INTS1: variants seen among roughly 807,000 people sequenced by gnomAD.
INTS1 encodes integrator complex subunit 1.
Under a neutral mutation model 241.6 loss-of-function variants are expected in INTS1, and 137 were observed. The ratio of observed to expected loss-of-function variants is 0.57; its 90% CI spans 0.49 to 0.65. The LOEUF (loss-of-function observed/expected upper bound fraction) is 0.65. Among genes scored for constraint, INTS1 ranks in the 30% least tolerant of loss-of-function variants. The pLI is 0.00. For missense variants in INTS1, 3,073 were observed against 3,032.2 expected (o/e 1.01, Z -0.32); for synonymous variants, 1,692 against 1,337.8 (o/e 1.26, Z -5.78).
In INTS1 at chr7:1,477,888, A is replaced by G; in HGVS notation, c.4679T>C (p.Leu1560Pro). 1.9e-6 allele frequency: 3 copies of G among 1,612,642 alleles called. No homozygotes were observed. The highest frequency in any genetic ancestry group is 1.7e-6 in the Non-Finnish European group (2 of 1,179,844). Reference sequence around the variant, plus strand: ...CGCAGTGGCAGAGAAGAATGCAGTCAGCAGCTCCTCCAGGTGGGGGGACCT... The same window carrying G: ...CGCAGTGGCAGAGAAGAATGCAGTCGGCAGCTCCTCCAGGTGGGGGGACCT... Reference protein sequence around the residue: ...EVRSPHLEELLTAFFSATADA... With the variant: ...EVRSPHLEELPTAFFSATADA... Residue 1560 changes from leucine (L) to proline (P), a missense_variant, in exon 34 of 48, where the codon CTG becomes CCG. By Grantham distance (98) the Leu-to-Pro change is moderately conservative. Coordinates refer to ENST00000404767, the MANE Select transcript of INTS1 (RefSeq NM_001080453.3).
At chr7:1,494,680 G>C in intron 14 of INTS1, 136 bp downstream of exon 14, 1 of 817,864 alleles carries the variant, frequency 1.2e-6, no homozygotes, top group Non-Finnish European at 2.0e-6. Flanking sequence ...CAGGATTGTG[G>C]AGGAGGAGCA....
chr7:1,488,697 GCCC>G (rs1163500076), intron 18 of INTS1, among the ~76,000 whole-genome samples: 3 of 152,136 alleles, frequency 2.0e-5, no homozygotes, highest in Admixed American at 2.0e-4. Flanking sequence ...AGCCTCGGGC[GCCC>G]CTTCACCTTG....
In INTS1 at chr7:1,470,678, G is replaced by C; in HGVS notation, c.6472C>G (p.Leu2158Val). ...ALLCQEHAAV[L>V]LHRAFLVGMY... The stretch of plus-strand genomic sequence containing the variant: ...CCCACCAGGAAGGCCCGGTGGAGCA[G>C]CACAGCCGCGTGCTCTGTGGGGGAA... The change falls in exon 48 of 48, where the codon CTG (leucine) becomes GTG (valine). Residue 2158 changes from leucine (L) to valine (V), a missense_variant. Physicochemically the swap from Leu to Val is conservative, Grantham distance 32. Transcript: ENST00000404767. The C allele has an allele frequency of 6.4e-7, 1 of 1,563,300 alleles. No homozygotes were observed. Among genetic ancestry groups the C allele is most frequent in the Non-Finnish European group, 8.7e-7 (1 of 1,154,928 alleles).
Position 1,476,006 on chromosome 7 carries a change from A to C in INTS1, c.5444T>G (p.Val1815Gly). The C allele has an allele frequency of 6.5e-7, 1 of 1,545,612 alleles. No individual in the cohort carries two copies. The highest frequency in any genetic ancestry group is 8.7e-7 in the Non-Finnish European group (1 of 1,146,712). The part of the protein sequence containing the change: ...QLYLQRPELR[V>G]PVPEVLLHSE... ...GTGCAGTAGGACCTCAGGCACGGGC[A>C]CCCGCAGCTCCGGCCGCTGTAGGTA... Residue 1815 changes from valine to glycine, a missense_variant, in exon 39 of 48, where the codon GTG becomes GGG. Coordinates refer to ENST00000404767, the MANE Select transcript of INTS1 (RefSeq NM_001080453.3).
intron 35 of INTS1, 68 bp downstream of exon 35, chr7:1,477,482 T>C (rs1470881586): frequency 1.0e-5 from 15 of 1,445,316 alleles, no homozygotes; most frequent in African/African-American, 5.7e-5. Context: ...CCAAGGCTGC[T>C]GCACTTCAGG....
Position 1,470,430 on chromosome 7 carries a change from T to C in INTS1, c.*147A>G, listed in dbSNP as rs563479351. ...CCCGGAGCCACCCCAGGGCTCGGAG[T>C]ATTGCTCCTGGGCCTGCCTGGCCTC... On this transcript the variant is annotated 3_prime_UTR_variant, in exon 48 of 48. Coordinates refer to ENST00000404767, the MANE Select transcript of INTS1 (RefSeq NM_001080453.3). 1.5e-4 allele frequency: 84 copies of C among 579,002 alleles called. No individual in the cohort carries two copies. The East Asian group carries it at 2.7e-3, about 18-fold the overall frequency. 35.9% of individuals were successfully genotyped at this position (579,002 alleles called of 1,614,324 possible).
intron 44 of INTS1, 76 bp from the exon 45 acceptor site, chr7:1,471,717 AG>A (rs1300873669): frequency 7.1e-7 from 1 of 1,412,356 alleles, no homozygotes; most frequent in Non-Finnish European, 1.0e-6. Context: ...AGCCACCCAG[AG>A]GGGGCAAGGC....
At position 1,499,070 on chromosome 7, in the gene INTS1, T is replaced by C; in HGVS notation, c.1042A>G (p.Arg348Gly). The change falls in exon 8 of 48, where the codon AGG (arginine) becomes GGG (glycine). Residue 348 changes from arginine (R) to glycine (G), a missense_variant. Arg to Gly is a moderately radical substitution (Grantham distance 125). Coordinates refer to ENST00000404767, the MANE Select transcript of INTS1 (RefSeq NM_001080453.3). ...NRRQPIDNVS[R>G]NLLRLLTSTC... ...GAGGTGAGGAGCCGCAGGAGGTTCC[T>C]GGAGACGTTGTCGATGGGCTGGCGC... 1 of 1,606,936 alleles carries C rather than the reference T, an allele frequency of 6.2e-7. No homozygotes were observed. Among genetic ancestry groups the C allele is most frequent in the Non-Finnish European group, 8.5e-7 (1 of 1,177,906 alleles).
At chr7:1,477,986 G>C (rs538932828) in intron 33 of INTS1, 50 bp from the exon 34 acceptor site, 1 of 1,519,832 alleles carries the variant, frequency 6.6e-7, no homozygotes, top group Admixed American at 1.7e-5. Context: ...TCGGGTGGGG[G>C]CCGCTGAGTG....
chr7:1,503,836 G>GACATCCCCAA (rs1783323591), intron 2 of INTS1, 67 bp downstream of exon 2: 2 of 810,350 alleles, frequency 2.5e-6, no homozygotes, highest in Admixed American at 5.9e-5. Context: ...CGCGGCAGCT[G>GACATCCCCAA]AGATCCCCAA....
intron 25 of INTS1, 35 bp from the exon 26 acceptor site, chr7:1,483,888 T>G: frequency 6.3e-7 from 1 of 1,596,274 alleles, no homozygotes; most frequent in South Asian, 1.1e-5. Context: ...GCCGTAAGGT[T>G]CAGGGACCCT....
chr7:1,493,869 G>A lies in INTS1; in HGVS notation c.1953C>T (p.Asp651=). ...RLCSEVPILE[D]TLMRILVIGL... is the part of the protein sequence containing the mutation. ...CGATGACCAGGATGCGCATCAGCGTGTCCTCCAAAATGGGCACCTCGGAGC... is the reference window on the plus strand; with the variant it reads ...CGATGACCAGGATGCGCATCAGCGTATCCTCCAAAATGGGCACCTCGGAGC... The change falls in exon 15 of 48, where the codon GAC becomes GAT. Residue 651 remains aspartate (D), a synonymous_variant. Coordinates refer to ENST00000404767, the MANE Select transcript of INTS1 (RefSeq NM_001080453.3). This position sits in a 1 kb window ranked among gnomAD's most constrained non-coding sequence, Gnocchi z 5.3. 1 of 1,566,782 alleles carries A rather than the reference G, an allele frequency of 6.4e-7. No individual in the cohort carries two copies.
intron 43 of INTS1, 62 bp from the exon 44 acceptor site, chr7:1,472,448 C>A: frequency 8.4e-7 from 1 of 1,183,448 alleles, no homozygotes; most frequent in Non-Finnish European, 1.2e-6. Flanking sequence ...CACTGAGGCA[C>A]CAGGACCTGC....
In INTS1 at chr7:1,470,586, G is replaced by T. The variant is rs373812788; in HGVS notation, c.6564C>A (p.Ala2188=). Residue 2188 remains alanine (A), a synonymous_variant, in exon 48 of 48, where the codon GCC becomes GCA. Coordinates refer to ENST00000404767, the MANE Select transcript of INTS1 (RefSeq NM_001080453.3). ...GTCGGCTGCCACAGGCTCACATCAC[G>T]GCCTCCATATGCAGGATCCTCAGGG... is the stretch of plus-strand genomic sequence containing the variant. ...SEALRILHME[A]VM 1.9e-6 allele frequency: 3 copies of T among 1,563,998 alleles called. No individual in the cohort carries two copies. The highest frequency in any genetic ancestry group is 2.6e-6 in the Non-Finnish European group (3 of 1,155,370).
Position 1,480,936 on chromosome 7 carries a change from G to A in INTS1, c.3851-3C>T, listed in dbSNP as rs868393303. The A allele has an allele frequency of 1.3e-6, 2 of 1,575,714 alleles. No homozygotes were observed. The highest frequency in any genetic ancestry group is 1.3e-5 in the African/African-American group (1 of 74,250). On this transcript the variant is annotated splice_region_variant and splice_polypyrimidine_tract_variant and intron_variant, in intron 28 of 47. Coordinates refer to ENST00000404767, the MANE Select transcript of INTS1 (RefSeq NM_001080453.3). ...CTCCACCAGGTGGGCCATGTAATCT[G>A]CAAACCGTAGCAGGGTCACACCTGG...
intron 5 of INTS1, 68 bp from the exon 6 acceptor site, chr7:1,499,700 T>TG: frequency 1.3e-6 from 2 of 1,523,912 alleles, no homozygotes; most frequent in South Asian, 2.5e-5. Context: ...AACACCCGCC[T>TG]GCTGCCCGGG....
intron 38 of INTS1, 72 bp from the exon 39 acceptor site, chr7:1,476,143 C>A: frequency 5.9e-6 from 9 of 1,525,298 alleles, no homozygotes; most frequent in Non-Finnish European, 7.9e-6. Flanking sequence ...CGGGACCAGG[C>A]GTGATGGGAA....
In INTS1 at chr7:1,473,115, G is replaced by C; in HGVS notation, c.6027C>G (p.Ser2009Arg). ...KSLLAGLSLPSRDDRTDRGLD... is the reference protein window; with the variant it reads ...KSLLAGLSLPRRDDRTDRGLD... ...GGCCTCGGTCGGTCCTGTCGTCCCT[G>C]CTGGGCAGGCTGAGCCCTGCAAGGA... The change falls in exon 43 of 48, where the codon AGC becomes AGG. Residue 2009 changes from serine (S) to arginine (R), a missense_variant. Coordinates refer to ENST00000404767, the MANE Select transcript of INTS1 (RefSeq NM_001080453.3). The C allele has an allele frequency of 6.2e-7, 1 of 1,612,070 alleles. No homozygotes were observed. The highest frequency in any genetic ancestry group is 1.1e-5 in the South Asian group (1 of 91,054).
chr7:1,503,859 A>AC, intron 2 of INTS1, 44 bp downstream of exon 2: 39 of 1,367,468 alleles, frequency 2.9e-5, no homozygotes, highest in African/African-American at 4.5e-5. Context: ...ACCCCCAAAG[A>AC]CCCCCAAAGA....
Sources: allele counts gnomAD v4.1 joint callset (sites outside exome capture counted in the v4.1 genomes callset), GRCh38; gene constraint gnomAD v4.1.1; non-coding constraint Gnocchi (gnomAD v3.1); transcripts MANE v1.5; gene names NCBI Gene and HGNC (gene_info 2026-07-23, HGNC 2026-07-21).